CD302: variants seen among roughly 807,000 people sequenced by gnomAD.
CD302 encodes the protein CD302 antigen.
A neutral mutation model predicts 26.5 loss-of-function variants in CD302; 23 were observed. That is an observed-to-expected ratio of 0.87 (90% confidence interval 0.62 to 1.23). The LOEUF (loss-of-function observed/expected upper bound fraction) is 1.23, where lower values mean the gene tolerates loss of function less well. CD302 is among the 50% of genes most tolerant of loss of function. The pLI, the probability that CD302 is intolerant of heterozygous loss-of-function variation, is 0.00. For synonymous variants in CD302, 90 were observed against 99.4 expected, an observed-to-expected ratio of 0.91 and a Z score of 0.56; for missense variants, 290 against 275.5, an observed-to-expected ratio of 1.05 and a Z score of -0.37.
intron 3 of CD302, 133 bp downstream of exon 3, chr2:159,780,749 G>A: frequency 1.3e-6 from 1 of 784,762 alleles, no homozygotes; most frequent in Non-Finnish European, 2.2e-6. Context: ...ATGATCATAG[G>A]TGCACACTGA....
Position 159,771,289 on chromosome 2 carries a change from G to C in CD302, c.*562C>G, listed in dbSNP as rs2125788013. The C allele has an allele frequency of 6.6e-6, 1 of 152,522 alleles. No individual in the cohort carries two copies. Among genetic ancestry groups the C allele is most frequent in the East Asian group, 1.9e-4 (1 of 5,206 alleles). 9.4% of individuals were successfully genotyped at this position (152,522 alleles called of 1,614,324 possible). A position where few individuals can be genotyped will look rare whatever the true frequency, so the allele number is the denominator to read the frequency against. On this transcript the variant is annotated 3_prime_UTR_variant, in exon 6 of 6. Transcript: ENST00000259053. ...AATTTATAAACATTCATTAAAACTT[G>C]AGTCATTTGTGATAAAATGGTGTGT...
chr2:159,775,830 G>T (rs956986555), intron 5 of CD302, among the ~76,000 whole-genome samples: 1 of 151,176 alleles, frequency 6.6e-6, no homozygotes, highest in Non-Finnish European at 1.5e-5. Flanking sequence ...ACTACTTTAG[G>T]TACCTCATAC....
rs1708399001 is a variant in CD302, at chr2:159,778,273, T to C, written c.470-309A>G. 2.0e-5 allele frequency among the ~76,000 whole-genome samples: 3 copies of C among 152,282 alleles called. No individual in the cohort carries two copies. In the South Asian group the frequency reaches 6.2e-4, roughly 32 times the overall value. ...AAAAGAGGATTCTGGTTGGAGAGTC[T>C]AGAAAACAAATGTCATAAAATTAAA... On this transcript the variant is annotated intron_variant, in intron 4 of 5. Transcript: ENST00000259053.
rs759052063 is a variant in CD302, at chr2:159,780,070, G to C, written c.404C>G (p.Thr135Arg). Residue 135 changes from threonine (T) to arginine (R), a missense_variant, in exon 4 of 6, where the codon ACA (threonine) becomes AGA (arginine). Physicochemically the swap from Thr to Arg is moderately conservative, Grantham distance 71. Coordinates refer to ENST00000259053, the MANE Select transcript of CD302 (RefSeq NM_014880.5). ...ACAATTTCCTTTTTTCCATTCACCT[G>C]TCTTGATGTGCAGAAAAGCACAGGT... ...VDTCAFLHIK[T>R]GEWKKGNCEV... 1.2e-6 allele frequency: 2 copies of C among 1,614,106 alleles called. No individual in the cohort carries two copies. The highest frequency in any genetic ancestry group is 1.7e-6 in the Non-Finnish European group (2 of 1,179,994).
intron 1 of CD302, among the ~76,000 whole-genome samples, chr2:159,786,777 A>T (rs968126293): frequency 5.9e-5 from 9 of 152,174 alleles, no homozygotes; most frequent in Admixed American, 1.3e-4. Context: ...AGGTTGGTGA[A>T]TTTTTTTCTT....
At chr2:159,783,321 T>C in intron 2 of CD302, 38 bp downstream of exon 2, 1 of 1,506,794 alleles carries the variant, frequency 6.6e-7, no homozygotes, top group Non-Finnish European at 8.9e-7. Context: ...TGTTCACTAA[T>C]TTGTGAAAAA....
chr2:159,768,765 T>C lies in CD302; in HGVS notation c.*3086A>G, dbSNP rs1313872176. 6.6e-6 allele frequency: 1 copy of C among 152,284 alleles called. No homozygotes were observed. Among genetic ancestry groups the C allele is most frequent in the African/African-American group, 2.4e-5 (1 of 41,468 alleles). The allele number at this position is 152,284 out of a possible 1,614,324, so 9.4% of individuals were successfully genotyped here. A position where few individuals can be genotyped will look rare whatever the true frequency, so the allele number is the denominator to read the frequency against. Reference sequence around the variant, plus strand: ...GCAAAAATATAAAATTTAAGGGTGGTAGTTTTAATATATTCTGTGGGTCCT... The same window carrying C: ...GCAAAAATATAAAATTTAAGGGTGGCAGTTTTAATATATTCTGTGGGTCCT... On this transcript the variant is annotated 3_prime_UTR_variant, in exon 6 of 6. Coordinates refer to ENST00000259053, the MANE Select transcript of CD302 (RefSeq NM_014880.5).
At chr2:159,775,623 T>TA (rs1465778230) in intron 5 of CD302, among the ~76,000 whole-genome samples, 1 of 152,218 alleles carries the variant, frequency 6.6e-6, no homozygotes, top group Admixed American at 6.5e-5. Flanking sequence ...CTTGATTTTT[T>TA]AAAAATGTAA....
chr2:159,781,939 C>A lies in CD302; in HGVS notation c.179-941G>T, dbSNP rs370523447. 1.7e-3 allele frequency among the ~76,000 whole-genome samples: 254 copies of A among 152,058 alleles called. 3 individuals carry two copies. The highest frequency in any genetic ancestry group is 6.8e-3 in the Middle Eastern group (2 of 294). ...CCTAGTACAATTTGATACATTCTTC[C>A]AAATGTTATTGTTGAAGAATATAAC... On this transcript the variant is annotated intron_variant, in intron 2 of 5. Coordinates refer to ENST00000259053, the MANE Select transcript of CD302 (RefSeq NM_014880.5).
Position 159,771,648 on chromosome 2 carries a change from A to C in CD302, c.*203T>G, listed in dbSNP as rs190364727. The C allele has an allele frequency of 1.8e-6, 1 of 566,258 alleles. No homozygotes were observed. The highest frequency in any genetic ancestry group is 3.3e-5 in the East Asian group (1 of 30,108). 35.1% of individuals were successfully genotyped at this position (566,258 alleles called of 1,614,324 possible). ...TTGACGGGATGCTTAAAATCACTATATTAGATCTAAGATCATTTCTAAAAC... is the reference window on the plus strand; with the variant it reads ...TTGACGGGATGCTTAAAATCACTATCTTAGATCTAAGATCATTTCTAAAAC... On this transcript the variant is annotated 3_prime_UTR_variant, in exon 6 of 6. Transcript: ENST00000259053.
chr2:159,796,578 C>T (rs1708960724), intron 1 of CD302, among the ~76,000 whole-genome samples: 1 of 152,180 alleles, frequency 6.6e-6, no homozygotes, highest in African/African-American at 2.4e-5. Context: ...AAAGCTCACA[C>T]TCATTTCCAA....
intron 1 of CD302, among the ~76,000 whole-genome samples, chr2:159,794,997 G>A (rs1708912312): frequency 6.6e-6 from 1 of 151,576 alleles, no homozygotes; most frequent in Admixed American, 6.6e-5. Context: ...GGCCGAGGTG[G>A]GCAGATCACG....
chr2:159,792,748 T>C, intron 1 of CD302, among the ~76,000 whole-genome samples: 1 of 152,156 alleles, frequency 6.6e-6, no homozygotes, highest in East Asian at 1.9e-4. Context: ...AAAAAATTTT[T>C]TTTTAACAGG....
intron 1 of CD302, among the ~76,000 whole-genome samples, chr2:159,786,204 T>C (rs1708659554): frequency 6.6e-6 from 1 of 152,174 alleles, no homozygotes; most frequent in Admixed American, 6.5e-5. Context: ...GGACTTAAAA[T>C]ATTCAGCTGA....
Position 159,780,183 on chromosome 2 carries a change from CAATT to C in CD302, c.296-9_296-6del. 1.2e-6 allele frequency: 2 copies of C among 1,612,310 alleles called. No individual in the cohort carries two copies. Among genetic ancestry groups the C allele is most frequent in the Non-Finnish European group, 1.7e-6 (2 of 1,179,046 alleles). ...CAAACCACTTGAAACTCGCATCTGT[CAATT>C]AAGGAATATTTTCAACATTATGACA... On this transcript the variant is annotated splice_region_variant and splice_polypyrimidine_tract_variant and intron_variant, in intron 3 of 5. Coordinates refer to ENST00000259053, the MANE Select transcript of CD302 (RefSeq NM_014880.5).
intron 5 of CD302, among the ~76,000 whole-genome samples, chr2:159,775,036 C>G (rs1188684097): frequency 6.6e-6 from 1 of 152,202 alleles, no homozygotes; most frequent in Non-Finnish European, 1.5e-5. Context: ...TCCCTGGCCA[C>G]TGTACTAAAA....
At chr2:159,781,320 G>C in intron 2 of CD302, 4 of 178,550 alleles carry the variant, frequency 2.2e-5, no homozygotes, top group Non-Finnish European at 4.6e-5. Context: ...AGGCTGAGGC[G>C]GGTGGATCAC....
At position 159,783,445 on chromosome 2, in the gene CD302, T is replaced by G; in HGVS notation, c.92A>C (p.Gln31Pro). Reference protein sequence around the residue: ...VADCPSSTWIQFQDSCYIFLQ... With the variant: ...VADCPSSTWIPFQDSCYIFLQ... ...AAAAATGTAACAACTGTCTTGGAAC[T>G]GAATCCAAGTAGATGAAGGACAGTC... Residue 31 changes from glutamine to proline, a missense_variant, in exon 2 of 6, where the codon CAG becomes CCG. Gln to Pro is a moderately conservative substitution (Grantham distance 76). Coordinates refer to ENST00000259053, the MANE Select transcript of CD302 (RefSeq NM_014880.5). 6.2e-7 allele frequency: 1 copy of G among 1,609,940 alleles called. No homozygotes were observed. The highest frequency in any genetic ancestry group is 8.5e-7 in the Non-Finnish European group (1 of 1,178,962).
At chr2:159,781,113 A>C in intron 2 of CD302, 115 bp from the exon 3 acceptor site, 1 of 804,150 alleles carries the variant, frequency 1.2e-6, no homozygotes, top group East Asian at 2.7e-5. Context: ...AGAGCTGGAC[A>C]ATAAACTTTG....
Sources: gnomAD v4.1 joint callset for allele counts (sites outside exome capture counted in the v4.1 genomes callset) on GRCh38, gnomAD v4.1.1 for gene constraint, MANE v1.5 for transcripts, NCBI Gene and HGNC (gene_info 2026-07-23, HGNC 2026-07-21) for gene names.